The following HACE1 variants were observed in gnomAD, a reference collection of about 807,000 sequenced individuals.
HACE1 encodes HECT domain and ankyrin repeat containing E3 ubiquitin protein ligase 1, also known as E3 ubiquitin-protein ligase HACE1.
Under a neutral mutation model 118.4 loss-of-function variants are expected in HACE1, and 73 were observed. The observed-to-expected ratio is 0.62, with a 90% CI of 0.51 to 0.75. The LOEUF is 0.75. Among genes scored for constraint, HACE1 ranks in the 30% least tolerant of loss-of-function variants. The pLI is 0.00. For synonymous variants in HACE1, 368 were observed against 374.8 expected, an observed-to-expected ratio of 0.98 and a Z score of 0.21; for missense variants, 749 against 1,102.2, an observed-to-expected ratio of 0.68 and a Z score of 4.54.
chr6:104,755,967 C>A (rs1249179132), intron 19 of HACE1, among the ~76,000 whole-genome samples: 1 of 151,998 alleles, frequency 6.6e-6, no homozygotes. Context: ...ACAAAACAAC[C>A]CTTCAAAAAA....
chr6:104,763,300 G>C (rs1303732111), intron 19 of HACE1, among the ~76,000 whole-genome samples: 1 of 152,116 alleles, frequency 6.6e-6, no homozygotes, highest in Non-Finnish European at 1.5e-5. Flanking sequence ...AAATCTCATA[G>C]TACAGATTGA....
At chr6:104,779,780 A>G (rs1781544366) in intron 14 of HACE1, among the ~76,000 whole-genome samples, 1 of 152,132 alleles carries the variant, frequency 6.6e-6, no homozygotes, top group South Asian at 2.1e-4. Flanking sequence ...TAGTTTTCTC[A>G]TCTGTAAAAC....
In HACE1 at chr6:104,796,935, A is replaced by T; in HGVS notation, c.708T>A (p.Cys236Ter). 6.5e-7 allele frequency: 1 copy of T among 1,532,076 alleles called. No homozygotes were observed. Among genetic ancestry groups the T allele is most frequent in the Non-Finnish European group, 9.0e-7 (1 of 1,105,244 alleles). 94.9% of individuals were successfully genotyped at this position (1,532,076 alleles called of 1,614,324 possible). The change falls in exon 8 of 24, where the codon TGT (cysteine) becomes TGA (stop). Residue 236 changes from cysteine (C) to a stop codon, truncating the protein, a stop_gained. Coordinates refer to ENST00000262903, the MANE Select transcript of HACE1 (RefSeq NM_020771.4). LOFTEE classifies it high-confidence loss of function. ...DKNGVTPLDLCVQGGYGETCE... is the reference protein window; with the variant it reads ...DKNGVTPLDL ...ATATAAATGAAAAACACACCTGTAC[A>T]CATAAATCCAGAGGAGTTACTCCAT...
intron 22 of HACE1, among the ~76,000 whole-genome samples, chr6:104,732,938 T>C (rs1341122576): frequency 6.6e-6 from 1 of 152,206 alleles, no homozygotes; most frequent in African/African-American, 2.4e-5. Context: ...ATCTTGCTTA[T>C]AAGACACTAA....
intron 17 of HACE1, 121 bp downstream of exon 17, chr6:104,776,620 T>C: frequency 1.4e-6 from 1 of 717,692 alleles, no homozygotes; most frequent in Non-Finnish European, 2.5e-6. Flanking sequence ...TTCTCATCTA[T>C]AAAATAAGAA....
At chr6:104,743,939 CT>C (rs943446792) in intron 22 of HACE1, among the ~76,000 whole-genome samples, 6 of 151,824 alleles carry the variant, frequency 4.0e-5, no homozygotes, top group Admixed American at 3.9e-4. Context: ...ATAATCCTAA[CT>C]GGAGATGCTT....
chr6:104,770,327 C>T (rs944595124), intron 19 of HACE1, among the ~76,000 whole-genome samples: 2 of 151,942 alleles, frequency 1.3e-5, no homozygotes, highest in Non-Finnish European at 2.9e-5. Context: ...AAACACCAAG[C>T]CATATTAAAT....
chr6:104,826,618 G>A (rs549419909), intron 6 of HACE1, among the ~76,000 whole-genome samples: 22 of 152,074 alleles, frequency 1.4e-4, no homozygotes, highest in African/African-American at 4.1e-4. Flanking sequence ...AAAATTAAGC[G>A]CAGTGGCTTA....
At chr6:104,807,700 G>A (rs1055976640) in intron 7 of HACE1, among the ~76,000 whole-genome samples, 24 of 151,752 alleles carry the variant, frequency 1.6e-4, no homozygotes, top group African/African-American at 5.1e-4. Flanking sequence ...AAAGATGGCA[G>A]GGGGAAAAAA....
chr6:104,755,672 G>C (rs1022439085), intron 19 of HACE1, among the ~76,000 whole-genome samples: 3 of 152,168 alleles, frequency 2.0e-5, no homozygotes, highest in Non-Finnish European at 4.4e-5. Context: ...ACCTGCTCCT[G>C]AATGACTCTT....
chr6:104,774,298 G>A lies in HACE1; in HGVS notation c.1865-2224C>T, dbSNP rs866933342. 4.8e-4 allele frequency among the ~76,000 whole-genome samples: 63 copies of A among 130,644 alleles called. 11 individuals are homozygous for A. In the Middle Eastern group the frequency reaches 0.019, roughly 40 times the overall value. 85.7% of individuals were successfully genotyped at this position (130,644 alleles called of 152,430 possible). A position where few individuals can be genotyped will look rare whatever the true frequency, so the allele number is the denominator to read the frequency against. ...GTAGAGACGGGGTTTCACCGTTTTA[G>A]CCGGGATGGTCTCGATCTCCTGACC... is the stretch of plus-strand genomic sequence containing the variant. On this transcript the variant is annotated intron_variant, in intron 17 of 23. Transcript: ENST00000262903.
chr6:104,849,379 C>A, intron 3 of HACE1, 133 bp from the exon 4 acceptor site: 1 of 701,998 alleles, frequency 1.4e-6, no homozygotes, highest in Non-Finnish European at 2.6e-6. Flanking sequence ...CTCTGTCGCC[C>A]ATGCTGGAGT....
chr6:104,744,290 C>T lies in HACE1; in HGVS notation c.2443-60G>A, dbSNP rs1777166909. 26 of 1,031,088 alleles carry T rather than the reference C, an allele frequency of 2.5e-5. 1 individual carries two copies. The South Asian group carries it at 3.3e-4, about 13-fold the overall frequency. 63.9% of individuals were successfully genotyped at this position (1,031,088 alleles called of 1,614,324 possible). On this transcript the variant is annotated intron_variant, in intron 21 of 23. Coordinates refer to ENST00000262903, the MANE Select transcript of HACE1 (RefSeq NM_020771.4). Reference sequence around the variant, plus strand: ...CAGAGCAATTGTAGACTTCTCAATACCAGAGAAATATGCAATATTCATAAA... The same window carrying T: ...CAGAGCAATTGTAGACTTCTCAATATCAGAGAAATATGCAATATTCATAAA...
chr6:104,779,725 C>T (rs528843418), intron 14 of HACE1, among the ~76,000 whole-genome samples: 1 of 152,154 alleles, frequency 6.6e-6, no homozygotes, highest in East Asian at 1.9e-4. Context: ...CACTCTGTGA[C>T]TTACTAGACT....
chr6:104,791,659 A>C lies in HACE1; in HGVS notation c.924-5T>G. On this transcript the variant is annotated splice_region_variant and splice_polypyrimidine_tract_variant and intron_variant, in intron 10 of 23. Transcript: ENST00000262903. ...GCATCATAATTGCTAGAGAGGCTGAAAATAAAAATTAAAATATGAGATTAG... is the reference window on the plus strand; with the variant it reads ...GCATCATAATTGCTAGAGAGGCTGACAATAAAAATTAAAATATGAGATTAG... The C allele has an allele frequency of 6.3e-7, 1 of 1,588,690 alleles. No homozygotes were observed.
intron 22 of HACE1, among the ~76,000 whole-genome samples, chr6:104,740,318 A>C (rs939282188): frequency 2.0e-5 from 3 of 150,318 alleles, no homozygotes; most frequent in East Asian, 3.9e-4. Flanking sequence ...AACTAAAATC[A>C]GAGCAGAACT....
At chr6:104,808,328 T>C (rs1449446982) in intron 7 of HACE1, among the ~76,000 whole-genome samples, 2 of 152,154 alleles carry the variant, frequency 1.3e-5, no homozygotes, top group Admixed American at 6.6e-5. Flanking sequence ...TGAGCACCTA[T>C]CAACTACTAA....
At chr6:104,780,778 CT>C (rs1781649227) in intron 14 of HACE1, among the ~76,000 whole-genome samples, 1 of 152,194 alleles carries the variant, frequency 6.6e-6, no homozygotes, top group African/African-American at 2.4e-5. Context: ...ATAATGTCCT[CT>C]TATTGCAAAA....
chr6:104,755,229 T>A, intron 19 of HACE1, among the ~76,000 whole-genome samples: 1 of 151,848 alleles, frequency 6.6e-6, no homozygotes, highest in Middle Eastern at 3.4e-3. Context: ...CAACAAGAAG[T>A]GCTATCATAA....
Sources: allele counts gnomAD v4.1 joint callset (sites outside exome capture counted in the v4.1 genomes callset), GRCh38; gene constraint gnomAD v4.1.1; transcripts MANE v1.5; gene names NCBI Gene and HGNC (gene_info 2026-07-23, HGNC 2026-07-21).